The following SYN3 variants were observed in gnomAD, a reference collection of about 807,000 sequenced individuals.
SYN3 encodes the protein synapsin-3.
A neutral mutation model predicts 65.8 loss-of-function variants in SYN3; 35 were observed. That is an observed-to-expected ratio of 0.53 (90% CI 0.41 to 0.70). The LOEUF is 0.70. SYN3 is among the 30% of genes least tolerant of loss of function. The probability of loss-of-function intolerance (pLI) is 0.00; values close to 1 mark genes in which losing one functional copy is unlikely to be tolerated. For missense variants in SYN3, 680 were observed against 749.0 expected (o/e 0.91, Z 1.08); for synonymous variants, 270 against 292.9 (o/e 0.92, Z 0.80).
intron 6 of SYN3, among the ~76,000 whole-genome samples, chr22:32,754,765 G>A (rs1050226724): frequency 3.3e-5 from 5 of 152,226 alleles, no homozygotes; most frequent in Admixed American, 6.5e-5. Flanking sequence ...GAAGGTGAGC[G>A]TCTCCATGTA....
intron 7 of SYN3, among the ~76,000 whole-genome samples, chr22:32,566,161 C>T (rs756721368): frequency 2.6e-5 from 4 of 151,652 alleles, no homozygotes; most frequent in Admixed American, 1.3e-4. Flanking sequence ...TTGTTTAACC[C>T]GATATAAAAA....
At chr22:32,621,542 T>A (rs984930208) in intron 6 of SYN3, among the ~76,000 whole-genome samples, 2 of 152,176 alleles carry the variant, frequency 1.3e-5, no homozygotes, top group African/African-American at 2.4e-5. Flanking sequence ...TGGGTGCTGG[T>A]CTGCACAGGA....
In SYN3 at chr22:32,801,941, G is replaced by A; in HGVS notation, c.711+62974C>T. The A allele has an allele frequency of 2.0e-6, 3 of 1,531,690 alleles. No individual in the cohort carries two copies. The highest frequency in any genetic ancestry group is 2.6e-6 in the Non-Finnish European group (3 of 1,148,114). 94.9% of individuals were successfully genotyped at this position (1,531,690 alleles called of 1,614,324 possible). A position where few individuals can be genotyped will look rare whatever the true frequency, so the allele number is the denominator to read the frequency against. ...CTCGGGCTGCAGCAGCCCCGCCGGC[G>A]GCGCGCACGGCAACTTTGGAGAGGC... On this transcript the variant is annotated intron_variant, in intron 6 of 13. Coordinates refer to ENST00000358763, the MANE Select transcript of SYN3 (RefSeq NM_003490.4). The surrounding 1 kb of genome is among the most constrained non-coding windows in gnomAD (Gnocchi z 4.7).
At chr22:32,958,616 T>C in intron 3 of SYN3, among the ~76,000 whole-genome samples, 1 of 152,246 alleles carries the variant, frequency 6.6e-6, no homozygotes, top group Non-Finnish European at 1.5e-5. Flanking sequence ...GTTTTAGCAC[T>C]TACTATGTGC....
chr22:32,581,558 C>T (rs1428116711), intron 7 of SYN3, among the ~76,000 whole-genome samples: 3 of 152,094 alleles, frequency 2.0e-5, no homozygotes, highest in Non-Finnish European at 4.4e-5. Flanking sequence ...CTCAATGGTC[C>T]CCTATACAGA....
intron 1 of SYN3, among the ~76,000 whole-genome samples, chr22:33,040,668 G>A (rs1318702102): frequency 6.6e-6 from 1 of 152,134 alleles, no homozygotes; most frequent in Non-Finnish European, 1.5e-5. Flanking sequence ...GAGAGACCAG[G>A]TGGACGTAAT....
chr22:32,604,897 T>C (rs1459325063), intron 6 of SYN3, among the ~76,000 whole-genome samples: 1 of 151,044 alleles, frequency 6.6e-6, no homozygotes. Flanking sequence ...TCCCAGCTAC[T>C]CGGGAGGCTG....
At chr22:32,605,884 G>A (rs967353284) in intron 6 of SYN3, among the ~76,000 whole-genome samples, 2 of 152,216 alleles carry the variant, frequency 1.3e-5, no homozygotes, top group African/African-American at 4.8e-5. Context: ...ATTTACAGTT[G>A]TGAGCCCTTG....
chr22:33,005,255 C>T (rs1310796510), intron 2 of SYN3, among the ~76,000 whole-genome samples: 1 of 152,156 alleles, frequency 6.6e-6, no homozygotes, highest in Admixed American at 6.5e-5. Context: ...CACATGCGAC[C>T]CTGTTCTCCA....
In SYN3 at chr22:32,868,785, A is replaced by G. The variant is rs571658011; in HGVS notation, c.621+181T>C. On this transcript the variant is annotated intron_variant, in intron 5 of 13. Transcript: ENST00000358763. Reference sequence around the variant, plus strand: ...TTACCATAATAATATATAAAATATAAAATTAATATAATTGTTAGGCAACAA... The same window carrying G: ...TTACCATAATAATATATAAAATATAGAATTAATATAATTGTTAGGCAACAA... Among the ~76,000 whole-genome samples the G allele has an allele frequency of 1.6e-4, 24 of 152,222 alleles. No homozygotes were observed. In the South Asian group the frequency reaches 2.3e-3, roughly 14 times the overall value.
chr22:32,902,812 A>G (rs940972919), intron 4 of SYN3, among the ~76,000 whole-genome samples: 5 of 151,758 alleles, frequency 3.3e-5, no homozygotes, highest in African/African-American at 9.7e-5. Context: ...GAAGATCTGA[A>G]TATGTCTCAA....
chr22:33,010,297 A>C (rs2053318039), intron 1 of SYN3, among the ~76,000 whole-genome samples: 1 of 152,106 alleles, frequency 6.6e-6, no homozygotes, highest in Non-Finnish European at 1.5e-5. Context: ...GTCTTGTAGA[A>C]GCTTTATAGT....
At chr22:33,028,472 G>C (rs1479647293) in intron 1 of SYN3, among the ~76,000 whole-genome samples, 2 of 152,242 alleles carry the variant, frequency 1.3e-5, no homozygotes, top group African/African-American at 4.8e-5. Context: ...TTGAATTGCT[G>C]CTGCCCTGCA....
At chr22:33,035,392 G>C (rs1040191481) in intron 1 of SYN3, among the ~76,000 whole-genome samples, 2 of 123,662 alleles carry the variant, frequency 1.6e-5, no homozygotes, top group Admixed American at 1.2e-4. Flanking sequence ...CAGAAGCTGA[G>C]TCATTGCAAC....
intron 7 of SYN3, among the ~76,000 whole-genome samples, chr22:32,575,339 C>T (rs886626629): frequency 2.0e-5 from 3 of 152,080 alleles, no homozygotes; most frequent in Admixed American, 6.5e-5. Flanking sequence ...GGACACAAGT[C>T]GAGTCAGCTT....
At chr22:32,978,234 G>C (rs1451053197) in intron 3 of SYN3, among the ~76,000 whole-genome samples, 1 of 152,084 alleles carries the variant, frequency 6.6e-6, no homozygotes, top group Non-Finnish European at 1.5e-5. Flanking sequence ...GGGGATGAAG[G>C]GAGAAGTGGA....
intron 6 of SYN3, among the ~76,000 whole-genome samples, chr22:32,750,476 C>G (rs1305476039): frequency 6.6e-6 from 1 of 151,952 alleles, no homozygotes; most frequent in African/African-American, 2.4e-5. Flanking sequence ...GGGATGAGGT[C>G]TGAGAAATAA....
chr22:33,028,555 T>G (rs2053677991), intron 1 of SYN3, among the ~76,000 whole-genome samples: 1 of 151,690 alleles, frequency 6.6e-6, no homozygotes, highest in South Asian at 2.1e-4. Context: ...CCAGGCTGGA[T>G]GATCCATGAC....
chr22:32,766,088 GGTT>G (rs2045617306), intron 6 of SYN3, among the ~76,000 whole-genome samples: 1 of 152,172 alleles, frequency 6.6e-6, no homozygotes, highest in East Asian at 1.9e-4. Context: ...GCACCTCTGT[GGTT>G]TGGAGAACTG....
Sources: allele counts gnomAD v4.1 joint callset (sites outside exome capture counted in the v4.1 genomes callset), GRCh38; gene constraint gnomAD v4.1.1; non-coding constraint Gnocchi (gnomAD v3.1); transcripts MANE v1.5; gene names NCBI Gene and HGNC (gene_info 2026-07-23, HGNC 2026-07-21).